The following CACNA2D4 variants were observed in gnomAD, a reference collection of about 807,000 sequenced individuals.
CACNA2D4 encodes the protein voltage-dependent calcium channel subunit alpha-2/delta-4.
CACNA2D4 carries 157 observed loss-of-function variants against 163.8 expected under a neutral mutation model. That is an observed-to-expected ratio of 0.96 (90% CI 0.84 to 1.09). The LOEUF (loss-of-function observed/expected upper bound fraction) is 1.09, where lower values mean the gene tolerates loss of function less well. Ranked by LOEUF, CACNA2D4 falls within the 50% of genes least tolerant of loss-of-function variation. The pLI is 0.00. For missense variants in CACNA2D4, 1,410 were observed against 1,479.9 expected, an observed-to-expected ratio of 0.95 and a Z score of 0.78; for synonymous variants, 598 against 586.9, an observed-to-expected ratio of 1.02 and a Z score of -0.27.
At chr12:1,865,077 C>G (rs181417477) in intron 18 of CACNA2D4, among the ~76,000 whole-genome samples, 1 of 152,186 alleles carries the variant, frequency 6.6e-6, no homozygotes, top group Non-Finnish European at 1.5e-5. Context: ...CAGCTGCAGT[C>G]CCGCGCTGGC....
rs375818218 is a variant in CACNA2D4, at chr12:1,885,986, C to T, written c.1047G>A (p.Gln349=). 1.1e-5 allele frequency: 17 copies of T among 1,613,556 alleles called. No homozygotes were observed. In the African/African-American group the frequency reaches 2.3e-4, roughly 22 times the overall value. ...IEPCFKGILV[Q]ADRDNREHFK... ...TCACCTCTCGATTGTCTCGGTCCGC[C>T]TGGACGAGGATCCCTTTAAAACAAG... The change falls in exon 9 of 38, where the codon CAG becomes CAA. Residue 349 remains glutamine, a synonymous_variant. Coordinates refer to ENST00000382722, the MANE Select transcript of CACNA2D4 (RefSeq NM_172364.5).
intron 26 of CACNA2D4, among the ~76,000 whole-genome samples, chr12:1,838,255 C>T (rs959232275): frequency 1.1e-4 from 16 of 152,094 alleles, no homozygotes; most frequent in Non-Finnish European, 1.9e-4. Flanking sequence ...ACGGCAGTGA[C>T]GCGCAGCCCG....
At position 1,907,988 on chromosome 12, in the gene CACNA2D4, T is replaced by C; in HGVS notation, c.536A>G (p.Asn179Ser). The change falls in exon 5 of 38, where the codon AAC becomes AGC. Residue 179 changes from asparagine (N) to serine (S), a missense_variant. Transcript: ENST00000382722. ...VLINERDEKG[N>S]FVELGAEFLL... ...GAACTCGGCGCCCAGCTCCACGAAG[T>C]TGCCCTTCTCGTCCCTCTCGTTGAT... is the stretch of plus-strand genomic sequence containing the variant. The C allele has an allele frequency of 1.9e-6, 3 of 1,614,054 alleles. No homozygotes were observed. The highest frequency in any genetic ancestry group is 2.7e-5 in the African/African-American group (2 of 75,070).
At chr12:1,795,558 A>T in intron 36 of CACNA2D4, 110 bp downstream of exon 36, 1 of 735,108 alleles carries the variant, frequency 1.4e-6, no homozygotes, top group Non-Finnish European at 2.1e-6. Flanking sequence ...AGCCCTGTGG[A>T]GGACACGGGC....
intron 6 of CACNA2D4, among the ~76,000 whole-genome samples, chr12:1,891,120 C>T (rs1269413385): frequency 6.6e-6 from 1 of 152,184 alleles, no homozygotes; most frequent in Non-Finnish European, 1.5e-5. Flanking sequence ...CCTGGAGGCC[C>T]AAGAATTGGC....
intron 6 of CACNA2D4, among the ~76,000 whole-genome samples, chr12:1,894,116 C>T (rs1180314279): frequency 6.6e-5 from 10 of 152,052 alleles, no homozygotes; most frequent in Non-Finnish European, 1.5e-4. Context: ...CAACTATACA[C>T]TAAGACAAAC....
intron 14 of CACNA2D4, among the ~76,000 whole-genome samples, chr12:1,879,438 C>CCAGAGGCCTTTA (rs1249899519): frequency 1.3e-5 from 2 of 152,144 alleles, no homozygotes; most frequent in Admixed American, 1.3e-4. Context: ...AATCCCCTCA[C>CCAGAGGCCTTTA]CAGAGGCCTT....
chr12:1,812,526 G>A (rs1338317992), intron 26 of CACNA2D4, among the ~76,000 whole-genome samples: 2 of 152,344 alleles, frequency 1.3e-5, no homozygotes, highest in African/African-American at 4.8e-5. Flanking sequence ...TTCAAAACTA[G>A]GCCAGCTTCC....
rs954390940 is a variant in CACNA2D4 at position 1,828,304 on chromosome 12, C to A, written c.2551+12435G>T. On this transcript the variant is annotated intron_variant, in intron 26 of 37. Transcript: ENST00000382722. This position sits in a 1 kb window ranked among gnomAD's most constrained non-coding sequence, Gnocchi z 4.2. The stretch of plus-strand genomic sequence containing the variant: ...GTAGCGCCATATGGGACCTTAGCCA[C>A]ACTCAGGCTGCAGGGAGGCCTACGC... The A allele has an allele frequency of 2.5e-6, 3 of 1,180,450 alleles. No individual in the cohort carries two copies. The highest frequency in any genetic ancestry group is 3.1e-5 in the African/African-American group (2 of 63,926). The allele number at this position is 1,180,450 out of a possible 1,614,324, so 73.1% of individuals were successfully genotyped here. A position where few individuals can be genotyped will look rare whatever the true frequency, so the allele number is the denominator to read the frequency against.
chr12:1,914,135 T>C (rs942629222), intron 2 of CACNA2D4, among the ~76,000 whole-genome samples: 1 of 152,128 alleles, frequency 6.6e-6, no homozygotes, highest in Non-Finnish European at 1.5e-5. Flanking sequence ...TGTGGTCACA[T>C]GCAGGCATAA....
In CACNA2D4 at chr12:1,843,641, A is replaced by C. The variant is rs1865080549; in HGVS notation, c.2470+761T>G. Among the ~76,000 whole-genome samples, 1 of 152,230 alleles carries C rather than the reference A, an allele frequency of 6.6e-6. No homozygotes were observed. Among genetic ancestry groups the C allele is most frequent in the Non-Finnish European group, 1.5e-5 (1 of 68,036 alleles). The stretch of plus-strand genomic sequence containing the variant: ...TGGGCCACAGTCACTTCGAGTGTAA[A>C]TCAAGAGCACCAGGCTATGCAGACA... On this transcript the variant is annotated intron_variant, in intron 25 of 37. Coordinates refer to ENST00000382722, the MANE Select transcript of CACNA2D4 (RefSeq NM_172364.5). The surrounding 1 kb of genome is among the most constrained non-coding windows in gnomAD (Gnocchi z 4.6).
At chr12:1,803,530 A>G (rs923877203) in intron 29 of CACNA2D4, among the ~76,000 whole-genome samples, 6 of 152,214 alleles carry the variant, frequency 3.9e-5, no homozygotes, top group Non-Finnish European at 1.5e-5. Context: ...TTCCTGTGTA[A>G]GTGGAAATGG....
chr12:1,840,511 T>C (rs939130139), intron 26 of CACNA2D4, among the ~76,000 whole-genome samples: 7 of 152,142 alleles, frequency 4.6e-5, no homozygotes, highest in Non-Finnish European at 7.4e-5. Context: ...GCAGATCTCC[T>C]AGCCTCTCTG....
chr12:1,794,979 C>T, intron 37 of CACNA2D4: 1 of 500,846 alleles, frequency 2.0e-6, no homozygotes, highest in Non-Finnish European at 3.5e-6. Context: ...CTCTATCATT[C>T]CAAGGGTCTT....
intron 20 of CACNA2D4, among the ~76,000 whole-genome samples, chr12:1,857,054 C>G (rs1051690561): frequency 5.3e-5 from 8 of 152,186 alleles, no homozygotes; most frequent in African/African-American, 1.9e-4. Flanking sequence ...CACCCTCTGT[C>G]TCCTGGAGGA....
At position 1,854,040 on chromosome 12, in the gene CACNA2D4, G is replaced by A. The variant is rs545434568; in HGVS notation, c.2157C>T (p.Asp719=). 125 of 1,607,264 alleles carry A rather than the reference G, an allele frequency of 7.8e-5. No homozygotes were observed. Among genetic ancestry groups the A allele is most frequent in the South Asian group, 1.8e-4 (16 of 89,972 alleles). Residue 719 remains aspartate, a synonymous_variant, in exon 23 of 38, where the codon GAC becomes GAT. Coordinates refer to ENST00000382722, the MANE Select transcript of CACNA2D4 (RefSeq NM_172364.5). ...LTRKDPDLEC[D]EELVREVLFD... ...ACAGCACCTCCCGGACCAGCTCCTC[G>A]TCACCTGGGTGCAAAACATCAGGGA... is the stretch of plus-strand genomic sequence containing the variant.
intron 6 of CACNA2D4, 96 bp from the exon 7 acceptor site, chr12:1,887,165 G>T: frequency 2.5e-6 from 2 of 797,170 alleles, no homozygotes; most frequent in South Asian, 1.5e-5. Flanking sequence ...TGATCCCCAG[G>T]GCAGAACAGC....
chr12:1,881,468 C>T (rs918004002), intron 13 of CACNA2D4, among the ~76,000 whole-genome samples: 6 of 152,250 alleles, frequency 3.9e-5, no homozygotes, highest in Non-Finnish European at 7.3e-5. Context: ...TTCCAGCTCC[C>T]GTGGCATGAC....
chr12:1,876,698 C>T (rs1482809245), intron 16 of CACNA2D4, among the ~76,000 whole-genome samples: 3 of 152,164 alleles, frequency 2.0e-5, no homozygotes, highest in Admixed American at 2.0e-4. Context: ...TCTTTCCCTC[C>T]TTTCCCATGC....
Sources: gnomAD v4.1 joint callset for allele counts (sites outside exome capture counted in the v4.1 genomes callset) on GRCh38, gnomAD v4.1.1 for gene constraint, Gnocchi (gnomAD v3.1) non-coding constraint, MANE v1.5 for transcripts, NCBI Gene and HGNC (gene_info 2026-07-23, HGNC 2026-07-21) for gene names.